CHD5: variants seen among roughly 807,000 people sequenced by gnomAD.
CHD5 encodes the protein chromodomain helicase DNA binding protein 5, also known as ATP-dependent chromatin remodeler CHD5.
Under a neutral mutation model 230.3 loss-of-function variants are expected in CHD5, and 69 were observed. That is an observed-to-expected ratio of 0.30 (90% CI 0.25 to 0.37). The LOEUF is 0.37. Ranked by LOEUF, CHD5 falls within the 10% of genes least tolerant of loss-of-function variation. The pLI, the probability that CHD5 is intolerant of heterozygous loss-of-function variation, is 1.00. For missense variants in CHD5, 1,827 were observed against 2,622.8 expected, an observed-to-expected ratio of 0.70 and a Z score of 6.63; for synonymous variants, 1,064 against 1,065.9, an observed-to-expected ratio of 1.00 and a Z score of 0.03.
Position 6,126,855 on chromosome 1 carries a change from T to A in CHD5, c.3904-109A>T. 3.0e-6 allele frequency: 3 copies of A among 986,458 alleles called. No homozygotes were observed. The highest frequency in any genetic ancestry group is 4.5e-6 in the Non-Finnish European group (3 of 662,614). 61.1% of individuals were successfully genotyped at this position (986,458 alleles called of 1,614,324 possible). The stretch of plus-strand genomic sequence containing the variant: ...CTTTGCCCCCTCAGGGCTCAAGGAT[T>A]AATGGGATGGCCTGCCTACTCCAGG... On this transcript the variant is annotated intron_variant, in intron 25 of 41. Transcript: ENST00000262450. The surrounding 1 kb of genome is among the most constrained non-coding windows in gnomAD (Gnocchi z 5.7).
At chr1:6,137,236 T>C (rs547385176) in intron 15 of CHD5, among the ~76,000 whole-genome samples, 3 of 151,870 alleles carry the variant, frequency 2.0e-5, no homozygotes, top group African/African-American at 7.2e-5. Flanking sequence ...GCCTCCCGAG[T>C]AGCTGGGACT....
chr1:6,110,140 G>T, intron 37 of CHD5, 150 bp from the exon 38 acceptor site: 1 of 918,444 alleles, frequency 1.1e-6, no homozygotes, highest in Non-Finnish European at 1.6e-6. Flanking sequence ...CCTGGTGGTG[G>T]CCAACCCTTG....
intron 1 of CHD5, among the ~76,000 whole-genome samples, chr1:6,172,007 G>A (rs1014210281): frequency 2.6e-5 from 4 of 152,216 alleles, no homozygotes; most frequent in South Asian, 2.1e-4. Flanking sequence ...GGGTGGAGGC[G>A]GGGTGGGGCT....
chr1:6,125,625 C>A lies in CHD5; in HGVS notation c.4172-13G>T. On this transcript the variant is annotated splice_polypyrimidine_tract_variant and intron_variant, in intron 27 of 41. Coordinates refer to ENST00000262450, the MANE Select transcript of CHD5 (RefSeq NM_015557.3). This position sits in a 1 kb window ranked among gnomAD's most constrained non-coding sequence, Gnocchi z 6.7. ...TGTCGTCGTCCACCTGGGGAGCAGC[C>A]CGCCACAGTTCCTCAGGTGGGAGCC... The A allele has an allele frequency of 6.2e-7, 1 of 1,612,752 alleles. No homozygotes were observed. The highest frequency in any genetic ancestry group is 8.5e-7 in the Non-Finnish European group (1 of 1,179,212).
chr1:6,123,587 C>T (rs913769518), intron 31 of CHD5, among the ~76,000 whole-genome samples: 34 of 152,120 alleles, frequency 2.2e-4, no homozygotes, highest in East Asian at 5.8e-4. Flanking sequence ...CCACCATGCC[C>T]GGCTAATCTT....
chr1:6,151,497 T>A (rs1466619935), intron 6 of CHD5, among the ~76,000 whole-genome samples: 2 of 152,146 alleles, frequency 1.3e-5, no homozygotes, highest in South Asian at 4.1e-4. Flanking sequence ...TCTTCCCAGA[T>A]CTCTCCTTTA....
chr1:6,159,464 C>T lies in CHD5; in HGVS notation c.259G>A (p.Glu87Lys). 1 of 1,595,578 alleles carries T rather than the reference C, an allele frequency of 6.3e-7. No homozygotes were observed. The highest frequency in any genetic ancestry group is 8.6e-7 in the Non-Finnish European group (1 of 1,168,680). ...ENEEDLEEKS[E>K]SEGSDYSPNK... ...GGGGAGTAGTCACTGCCTTCACTCT[C>T]CGACTTCTCTTCCAGATCCTCTTCA... The change falls in exon 3 of 42, where the codon GAG becomes AAG. Residue 87 changes from glutamate (E) to lysine (K), a missense_variant. Coordinates refer to ENST00000262450, the MANE Select transcript of CHD5 (RefSeq NM_015557.3).
intron 33 of CHD5, among the ~76,000 whole-genome samples, chr1:6,118,812 C>T (rs772983631): frequency 6.6e-6 from 1 of 151,774 alleles, no homozygotes. Flanking sequence ...ATTCTCCTGC[C>T]TCAGCCTCCT....
At chr1:6,111,637 G>T in intron 36 of CHD5, 138 bp downstream of exon 36, 1 of 673,644 alleles carries the variant, frequency 1.5e-6, no homozygotes. Flanking sequence ...GCAATGCCGA[G>T]GATTTCTAGC....
chr1:6,126,315 G>A lies in CHD5; in HGVS notation c.4078+257C>T, dbSNP rs2100843871. On this transcript the variant is annotated intron_variant, in intron 26 of 41. Transcript: ENST00000262450. This position sits in a 1 kb window ranked among gnomAD's most constrained non-coding sequence, Gnocchi z 5.7. Reference sequence around the variant, plus strand: ...TGCCCCACCCTCCACCTCTGGGTATGGGACACCCATCCCTCCTGGCACACT... The same window carrying A: ...TGCCCCACCCTCCACCTCTGGGTATAGGACACCCATCCCTCCTGGCACACT... Among the ~76,000 whole-genome samples, 1 of 151,710 alleles carries A rather than the reference G, an allele frequency of 6.6e-6. No homozygotes were observed. Among genetic ancestry groups the A allele is most frequent in the South Asian group, 2.1e-4 (1 of 4,782 alleles).
chr1:6,127,973 C>T, intron 25 of CHD5, 73 bp downstream of exon 25: 3 of 1,155,848 alleles, frequency 2.6e-6, no homozygotes, highest in South Asian at 1.5e-5. Flanking sequence ...CAGTGGAAGG[C>T]GTGGACACAG....
In CHD5 at chr1:6,105,829, G is replaced by A. The variant is rs567698023; in HGVS notation, c.*47-402C>T. ...CAGCCACCCTCCTGGTCCTGGGCAG[G>A]AAGTGAGGGTGTAAGACAAGATGTG... On this transcript the variant is annotated intron_variant, in intron 41 of 41. Coordinates refer to ENST00000262450, the MANE Select transcript of CHD5 (RefSeq NM_015557.3). This position sits in a 1 kb window ranked among gnomAD's most constrained non-coding sequence, Gnocchi z 4.8. Among the ~76,000 whole-genome samples the A allele has an allele frequency of 3.3e-5, 5 of 152,354 alleles. No individual in the cohort carries two copies. Among genetic ancestry groups the A allele is most frequent in the African/African-American group, 1.2e-4 (5 of 41,580 alleles).
In CHD5 at chr1:6,161,327, G is replaced by A. The variant is rs533203647; in HGVS notation, c.208-1812C>T. Among the ~76,000 whole-genome samples the A allele has an allele frequency of 9.2e-5, 14 of 152,204 alleles. No individual in the cohort carries two copies. In the East Asian group the frequency reaches 1.2e-3, roughly 13 times the overall value. On this transcript the variant is annotated intron_variant, in intron 2 of 41. Transcript: ENST00000262450. The stretch of plus-strand genomic sequence containing the variant: ...TCCAACAGTTCGTGGAGGGGGAGAC[G>A]GTCACTGACAGGGGAGGTGGGGGCC...
chr1:6,111,261 T>C (rs1571138389), intron 36 of CHD5, among the ~76,000 whole-genome samples: 1 of 146,498 alleles, frequency 6.8e-6, no homozygotes, highest in Non-Finnish European at 1.5e-5. Flanking sequence ...AGGCCGGGTG[T>C]GGTGGCTGAC....
intron 31 of CHD5, among the ~76,000 whole-genome samples, chr1:6,123,688 A>G (rs61193657): frequency 0.34 from 35,210 of 104,394 alleles, 4,695 homozygotes; most frequent in South Asian, 0.48. Context: ...TCAGCCTCCT[A>G]AAGTGCTGTG....
intron 37 of CHD5, 124 bp downstream of exon 37, chr1:6,110,270 C>T (rs1666264046): frequency 8.0e-6 from 9 of 1,127,660 alleles, no homozygotes; most frequent in South Asian, 7.1e-5. Flanking sequence ...ACTGCTGCTT[C>T]GTGGCAGCGT....
chr1:6,179,048 A>G (rs1247316023), intron 1 of CHD5, among the ~76,000 whole-genome samples: 1 of 152,250 alleles, frequency 6.6e-6, no homozygotes, highest in Non-Finnish European at 1.5e-5. Context: ...CTGTGCCAGG[A>G]GGGAAAACGT....
chr1:6,129,686 G>A lies in CHD5; in HGVS notation c.3387+518C>T, dbSNP rs534214545. Among the ~76,000 whole-genome samples, 4 of 152,230 alleles carry A rather than the reference G, an allele frequency of 2.6e-5. No homozygotes were observed. Among genetic ancestry groups the A allele is most frequent in the South Asian group, 2.1e-4 (1 of 4,816 alleles). On this transcript the variant is annotated intron_variant, in intron 22 of 41. Transcript: ENST00000262450. The surrounding 1 kb of genome is among the most constrained non-coding windows in gnomAD (Gnocchi z 6.8). ...ATTCAATGTGTGTGTCCCAGCGCCC[G>A]AGAGGGGTGGCCAGGTACACTAGGG...
chr1:6,149,151 C>T, intron 8 of CHD5, 76 bp from the exon 9 acceptor site: 2 of 1,469,342 alleles, frequency 1.4e-6, no homozygotes, highest in East Asian at 5.1e-5. Flanking sequence ...CCCTCCCCTA[C>T]AGCATCTCCC....
Sources: gnomAD v4.1 joint callset for allele counts (sites outside exome capture counted in the v4.1 genomes callset) on GRCh38, gnomAD v4.1.1 for gene constraint, Gnocchi (gnomAD v3.1) non-coding constraint, MANE v1.5 for transcripts, NCBI Gene and HGNC (gene_info 2026-07-23, HGNC 2026-07-21) for gene names.